Variants in PDSS2 observed in about 807,000 individuals in gnomAD.
The protein encoded by PDSS2 is decaprenyl diphosphate synthase subunit 2, also known as all trans-polyprenyl-diphosphate synthase PDSS2.
PDSS2 carries 31 observed loss-of-function variants against 44.5 expected under a neutral mutation model. The observed-to-expected ratio is 0.70, with a 90% CI of 0.52 to 0.94. PDSS2 has a LOEUF of 0.94. PDSS2 is among the 40% of genes least tolerant of loss of function. The pLI, the probability that PDSS2 is intolerant of heterozygous loss-of-function variation, is 0.00. For synonymous variants in PDSS2, 157 were observed against 180.3 expected (o/e 0.87, Z 1.03); for missense variants, 452 against 482.2 (o/e 0.94, Z 0.59).
At chr6:107,242,973 T>C (rs898295260) in intron 4 of PDSS2, among the ~76,000 whole-genome samples, 1 of 152,176 alleles carries the variant, frequency 6.6e-6, no homozygotes, top group Non-Finnish European at 1.5e-5. Flanking sequence ...TTTAATAAAA[T>C]GTAGCTAATG....
intron 7 of PDSS2, among the ~76,000 whole-genome samples, chr6:107,191,667 A>G (rs1234353585): frequency 6.6e-6 from 1 of 152,146 alleles, no homozygotes; most frequent in Non-Finnish European, 1.5e-5. Context: ...GCTGGAGTGC[A>G]GCAGCATGAT....
intron 4 of PDSS2, among the ~76,000 whole-genome samples, chr6:107,221,201 G>C (rs966300124): frequency 6.6e-6 from 1 of 152,096 alleles, no homozygotes; most frequent in Non-Finnish European, 1.5e-5. Flanking sequence ...AATTAGCTGG[G>C]AGTAGTGGCG....
At chr6:107,347,112 C>T (rs1221730888) in intron 1 of PDSS2, among the ~76,000 whole-genome samples, 2 of 152,154 alleles carry the variant, frequency 1.3e-5, no homozygotes, top group Non-Finnish European at 1.5e-5. Flanking sequence ...CCAGGGTCTA[C>T]CCTACAGCCA....
At chr6:107,208,404 C>T (rs1773079869) in intron 6 of PDSS2, among the ~76,000 whole-genome samples, 1 of 140,262 alleles carries the variant, frequency 7.1e-6, no homozygotes. Flanking sequence ...TCAAGTGATT[C>T]TTGTGCCTCA....
intron 1 of PDSS2, among the ~76,000 whole-genome samples, chr6:107,456,525 T>C (rs1339099515): frequency 6.6e-6 from 1 of 152,126 alleles, no homozygotes; most frequent in Admixed American, 6.5e-5. Flanking sequence ...AATGAAACAT[T>C]ATTATTTAGA....
In PDSS2 at chr6:107,459,115, C is replaced by T. The variant is rs1389317405; in HGVS notation, c.171G>A (p.Glu57=). The T allele has an allele frequency of 1.2e-6, 2 of 1,614,126 alleles. No homozygotes were observed. The highest frequency in any genetic ancestry group is 1.7e-6 in the Non-Finnish European group (2 of 1,180,036). Residue 57 remains glutamate (E), a synonymous_variant, in exon 1 of 8, where the codon GAG becomes GAA. Coordinates refer to ENST00000369037, the MANE Select transcript of PDSS2 (RefSeq NM_020381.4). This position sits in a 1 kb window ranked among gnomAD's most constrained non-coding sequence, Gnocchi z 4.3. ...AGGACGTGGGGTACCCCACGATCTT[C>T]TCCGCCTCTGACACTACCTGATTCC... ...AHWNQVVSEA[E]KIVGYPTSFM...
chr6:107,334,234 C>T lies in PDSS2; in HGVS notation c.395G>A (p.Cys132Tyr), dbSNP rs1466198335. The change falls in exon 2 of 8, where the codon TGT (cysteine) becomes TAT (tyrosine). Residue 132 changes from cysteine to tyrosine, a missense_variant. Coordinates refer to ENST00000369037, the MANE Select transcript of PDSS2 (RefSeq NM_020381.4). ...CCCACTGACCATGTCATAGTTCTGACATGAAGTGTTCACGCTGCTGGGCCC... is the reference window on the plus strand; with the variant it reads ...CCCACTGACCATGTCATAGTTCTGATATGAAGTGTTCACGCTGCTGGGCCC... The part of the protein sequence containing the change: ...AAGPSSVNTS[C>Y]QNYDMVSGIY... The T allele has an allele frequency of 6.2e-7, 1 of 1,613,846 alleles. No homozygotes were observed. Among genetic ancestry groups the T allele is most frequent in the Non-Finnish European group, 8.5e-7 (1 of 1,179,908 alleles).
chr6:107,322,473 C>A (rs140657555), intron 2 of PDSS2, among the ~76,000 whole-genome samples: 368 of 152,130 alleles, frequency 2.4e-3, no homozygotes, highest in African/African-American at 8.3e-3. Flanking sequence ...GAGCTGTGAT[C>A]GGGCCACTGT....
chr6:107,393,367 T>A (rs1307811640), intron 1 of PDSS2, among the ~76,000 whole-genome samples: 1 of 152,184 alleles, frequency 6.6e-6, no homozygotes, highest in Non-Finnish European at 1.5e-5. Flanking sequence ...AGGGAATACA[T>A]TCTGTGATTT....
intron 4 of PDSS2, among the ~76,000 whole-genome samples, chr6:107,221,991 G>A (rs9386626): frequency 0.2 from 29,790 of 152,126 alleles, 3,584 homozygotes; most frequent in East Asian, 0.32. Context: ...TGCAAATGTC[G>A]CCTGTTTTCA....
intron 2 of PDSS2, among the ~76,000 whole-genome samples, chr6:107,332,248 G>A (rs994484994): frequency 1.1e-4 from 17 of 152,020 alleles, no homozygotes; most frequent in Non-Finnish European, 1.6e-4. Context: ...GGGACTACAG[G>A]CACATGCCAC....
chr6:107,206,996 G>GTT (rs200710467), intron 6 of PDSS2, among the ~76,000 whole-genome samples: 5 of 142,378 alleles, frequency 3.5e-5, no homozygotes, highest in African/African-American at 1.0e-4. Context: ...TGCTATTATT[G>GTT]TTTTTTTTTT....
At chr6:107,228,856 T>C (rs1773931843) in intron 4 of PDSS2, among the ~76,000 whole-genome samples, 1 of 152,184 alleles carries the variant, frequency 6.6e-6, no homozygotes, top group Non-Finnish European at 1.5e-5. Flanking sequence ...GCCAGTAAAA[T>C]TAAAGGTATT....
At chr6:107,289,498 G>A (rs1174319250) in intron 2 of PDSS2, among the ~76,000 whole-genome samples, 1 of 151,964 alleles carries the variant, frequency 6.6e-6, no homozygotes, top group East Asian at 1.9e-4. Context: ...CCAGGAATCT[G>A]AGACCAGCCT....
intron 7 of PDSS2, among the ~76,000 whole-genome samples, chr6:107,160,633 G>A (rs557776952): frequency 2.9e-4 from 44 of 152,096 alleles, no homozygotes; most frequent in Non-Finnish European, 5.3e-4. Flanking sequence ...GATTACAGGC[G>A]TGTGTCACCT....
chr6:107,424,539 A>G (rs1270659403), intron 1 of PDSS2, among the ~76,000 whole-genome samples: 1 of 151,956 alleles, frequency 6.6e-6, no homozygotes, highest in Non-Finnish European at 1.5e-5. Context: ...TTTTTTCAAC[A>G]CTTAGCTATT....
At chr6:107,368,835 T>G (rs1391577319) in intron 1 of PDSS2, among the ~76,000 whole-genome samples, 3 of 152,100 alleles carry the variant, frequency 2.0e-5, no homozygotes, top group African/African-American at 4.8e-5. Flanking sequence ...TAAATTTAAG[T>G]AAAAATGCAA....
At chr6:107,298,710 T>C (rs1776593585) in intron 2 of PDSS2, among the ~76,000 whole-genome samples, 1 of 152,228 alleles carries the variant, frequency 6.6e-6, no homozygotes, top group African/African-American at 2.4e-5. Context: ...CATAGTTGGC[T>C]AGGTTTTAGT....
At chr6:107,155,644 ATC>A (rs1396750404) in intron 7 of PDSS2, among the ~76,000 whole-genome samples, 2 of 150,860 alleles carry the variant, frequency 1.3e-5, no homozygotes, top group Non-Finnish European at 2.9e-5. Context: ...CAGTGGCACA[ATC>A]TCTGCTCACA....
Sources: gnomAD v4.1 joint callset for allele counts (sites outside exome capture counted in the v4.1 genomes callset) on GRCh38, gnomAD v4.1.1 for gene constraint, Gnocchi (gnomAD v3.1) non-coding constraint, MANE v1.5 for transcripts, NCBI Gene and HGNC (gene_info 2026-07-23, HGNC 2026-07-21) for gene names.